The following ABCC5 variants were observed in gnomAD, a reference collection of about 807,000 sequenced individuals.
The protein encoded by ABCC5 is ATP-binding cassette sub-family C member 5.
Under a neutral mutation model 160.9 loss-of-function variants are expected in ABCC5, and 61 were observed. That is an observed-to-expected ratio of 0.38 (90% confidence interval 0.31 to 0.47). ABCC5 has a LOEUF of 0.47. Ranked by LOEUF, ABCC5 falls within the 20% of genes least tolerant of loss-of-function variation. The pLI is 0.99. For missense variants in ABCC5, 1,308 were observed against 1,813.3 expected (o/e 0.72, Z 5.06); for synonymous variants, 666 against 700.6 (o/e 0.95, Z 0.78).
intron 8 of ABCC5, among the ~76,000 whole-genome samples, chr3:183,979,612 G>A (rs1372833295): frequency 1.3e-5 from 2 of 152,092 alleles, no homozygotes; most frequent in Non-Finnish European, 1.5e-5. Flanking sequence ...ACGAGGTCTC[G>A]CTCTGTTGCT....
chr3:183,987,148 TA>T lies in ABCC5; in HGVS notation c.591+621del. 1.2e-5 allele frequency: 2 copies of T among 161,884 alleles called. No individual in the cohort carries two copies. The highest frequency in any genetic ancestry group is 5.7e-5 in the Admixed American group (1 of 17,406). 10.0% of individuals were successfully genotyped at this position (161,884 alleles called of 1,614,324 possible). On this transcript the variant is annotated intron_variant, in intron 5 of 29. Coordinates refer to ENST00000334444, the MANE Select transcript of ABCC5 (RefSeq NM_005688.4). This position sits in a 1 kb window ranked among gnomAD's most constrained non-coding sequence, Gnocchi z 4.2. Reference sequence around the variant, plus strand: ...CAAGTGTAAGGCAGCACAGCAGGTGTAAGAAACAGGTGCCCAGGAAACAGAG... The same window carrying T: ...CAAGTGTAAGGCAGCACAGCAGGTGTAGAAACAGGTGCCCAGGAAACAGAG...
At chr3:183,985,617 T>C in intron 5 of ABCC5, 1 of 589,136 alleles carries the variant, frequency 1.7e-6, no homozygotes, top group Non-Finnish European at 3.1e-6. Flanking sequence ...GCTAATTCTT[T>C]ATACACAGAT....
intron 22 of ABCC5, among the ~76,000 whole-genome samples, 199 bp from the exon 23 acceptor site, chr3:183,947,709 A>C (rs1269328838): frequency 6.6e-6 from 1 of 152,146 alleles, no homozygotes; most frequent in Non-Finnish European, 1.5e-5. Context: ...GAGGACATTA[A>C]GTTTTTCTAA....
chr3:183,989,099 A>G, intron 3 of ABCC5, 127 bp downstream of exon 3: 4 of 900,166 alleles, frequency 4.4e-6, no homozygotes, highest in Non-Finnish European at 6.3e-6. Flanking sequence ...TGAACCCAGG[A>G]GGCGGAGGTT....
chr3:183,968,700 A>C (rs1305804543), intron 11 of ABCC5, among the ~76,000 whole-genome samples: 1 of 152,182 alleles, frequency 6.6e-6, no homozygotes, highest in Non-Finnish European at 1.5e-5. Context: ...ATGACTTCAA[A>C]AGGGTCACTT....
chr3:183,939,206 G>A, intron 25 of ABCC5, among the ~76,000 whole-genome samples: 1 of 152,204 alleles, frequency 6.6e-6, no homozygotes, highest in East Asian at 1.9e-4. Flanking sequence ...GCTGAGGCGG[G>A]CAGATCACCT....
At chr3:183,978,962 T>C (rs1487935136) in intron 8 of ABCC5, among the ~76,000 whole-genome samples, 1 of 152,246 alleles carries the variant, frequency 6.6e-6, no homozygotes, top group Non-Finnish European at 1.5e-5. Flanking sequence ...TAATTGGCAG[T>C]TGTGTTTGCT....
At chr3:183,946,237 T>G (rs1437127366) in intron 23 of ABCC5, among the ~76,000 whole-genome samples, 1 of 152,228 alleles carries the variant, frequency 6.6e-6, no homozygotes, top group Non-Finnish European at 1.5e-5. Context: ...ACTTCTGGAC[T>G]TCCTACTTGT....
chr3:183,937,389 C>G (rs1021881711), intron 26 of ABCC5, among the ~76,000 whole-genome samples: 2 of 151,916 alleles, frequency 1.3e-5, no homozygotes, highest in African/African-American at 4.8e-5. Context: ...ACAAACAGAA[C>G]AAAAAAACTG....
rs538717677 is a variant in ABCC5, at chr3:183,994,045, TCTC to T, written c.130-4665_130-4663del. Among the ~76,000 whole-genome samples the T allele has an allele frequency of 2.0e-4, 30 of 148,234 alleles. 1 individual carries two copies. The East Asian group carries it at 6.2e-3, about 31-fold the overall frequency. On this transcript the variant is annotated intron_variant, in intron 2 of 29. Transcript: ENST00000334444. ...GTGGCGCAATCTTGGCTCACTGCAA[TCTC>T]CGCTTCCCGGGTTCCAGCAATTCAC...
intron 9 of ABCC5, among the ~76,000 whole-genome samples, chr3:183,978,218 C>A (rs1191591552): frequency 1.3e-5 from 2 of 152,212 alleles, no homozygotes; most frequent in Non-Finnish European, 1.5e-5. Flanking sequence ...TTCTGCTTCT[C>A]AGCTTAATCC....
chr3:183,948,010 A>G (rs1715008408), intron 22 of ABCC5, among the ~76,000 whole-genome samples: 1 of 152,216 alleles, frequency 6.6e-6, no homozygotes, highest in Non-Finnish European at 1.5e-5. Flanking sequence ...CCAGCTATGG[A>G]GCCAAGCACC....
chr3:183,974,105 C>T (rs1718007944), intron 10 of ABCC5, among the ~76,000 whole-genome samples: 1 of 152,160 alleles, frequency 6.6e-6, no homozygotes, highest in Admixed American at 6.5e-5. Flanking sequence ...GTCAGAACAA[C>T]AGAATCTTAG....
chr3:183,955,938 C>T, intron 17 of ABCC5, among the ~76,000 whole-genome samples: 1 of 142,682 alleles, frequency 7.0e-6, no homozygotes, highest in Admixed American at 7.2e-5. Context: ...GTCTGTTTAT[C>T]ACATCGGTTA....
intron 1 of ABCC5, 127 bp from the exon 2 acceptor site, chr3:184,014,574 T>C (rs1371794814): frequency 2.3e-6 from 1 of 436,114 alleles, no homozygotes; most frequent in African/African-American, 2.1e-5. Context: ...CTGTTATAGC[T>C]ACAAAAATTA....
chr3:183,965,657 C>T (rs11925478), intron 12 of ABCC5, among the ~76,000 whole-genome samples, 156 bp from the exon 13 acceptor site: 2,341 of 152,300 alleles, frequency 0.015, 43 homozygotes, highest in African/African-American at 0.054. Context: ...CCAAAGAGAG[C>T]TAAGCAGCAA....
At chr3:183,945,083 C>T (rs368801441) in intron 24 of ABCC5, among the ~76,000 whole-genome samples, 8 of 152,204 alleles carry the variant, frequency 5.3e-5, no homozygotes, top group East Asian at 3.9e-4. Flanking sequence ...CTTCACCTTT[C>T]GCTATGATTG....
intron 28 of ABCC5, among the ~76,000 whole-genome samples, chr3:183,926,877 T>G (rs1001566159): frequency 6.6e-6 from 1 of 151,668 alleles, no homozygotes; most frequent in Admixed American, 6.6e-5. Context: ...AAACCCCATC[T>G]CTACTAAAAA....
rs1364462065 is a variant in ABCC5, at chr3:183,949,883, T to C, written c.3099-2A>G. 2.5e-6 allele frequency: 4 copies of C among 1,614,188 alleles called. No individual in the cohort carries two copies. Among genetic ancestry groups the C allele is most frequent in the Non-Finnish European group, 3.4e-6 (4 of 1,180,032 alleles). ...CGCTTCAGCTCCCGAATCAGGACCC[T>C]GGAGAGAGAATGAGCTCCGTGTCAC... On this transcript the variant is annotated splice_acceptor_variant, in intron 21 of 29. Transcript: ENST00000334444. LOFTEE classifies it high-confidence loss of function. This position sits in a 1 kb window ranked among gnomAD's most constrained non-coding sequence, Gnocchi z 4.2.
Sources: gnomAD v4.1 joint callset for allele counts (sites outside exome capture counted in the v4.1 genomes callset) on GRCh38, gnomAD v4.1.1 for gene constraint, Gnocchi (gnomAD v3.1) non-coding constraint, MANE v1.5 for transcripts, NCBI Gene and HGNC (gene_info 2026-07-23, HGNC 2026-07-21) for gene names.